The following UNC80 variants were observed in gnomAD, a reference collection of about 807,000 sequenced individuals.
UNC80 encodes the protein unc-80 subunit of NALCN channel complex.
UNC80 carries 164 observed loss-of-function variants against 384.6 expected under a neutral mutation model. The ratio of observed to expected loss-of-function variants is 0.43; its 90% confidence interval spans 0.38 to 0.49. The LOEUF (loss-of-function observed/expected upper bound fraction) is 0.49, where lower values mean the gene tolerates loss of function less well. Among genes scored for constraint, UNC80 ranks in the 20% least tolerant of loss-of-function variants. UNC80 has a pLI of 0.00. For missense variants in UNC80, 3,330 were observed against 4,143.0 expected, an observed-to-expected ratio of 0.80 and a Z score of 5.39; for synonymous variants, 1,486 against 1,527.8, an observed-to-expected ratio of 0.97 and a Z score of 0.64.
intron 38 of UNC80, among the ~76,000 whole-genome samples, chr2:209,931,458 AT>A (rs1379247574): frequency 6.6e-6 from 1 of 150,484 alleles, no homozygotes; most frequent in Non-Finnish European, 1.5e-5. Context: ...TTGTGTATAT[AT>A]TTTTGCATGG....
chr2:209,884,959 T>TTCAC (rs1279941833), intron 25 of UNC80, among the ~76,000 whole-genome samples: 1 of 151,970 alleles, frequency 6.6e-6, no homozygotes, highest in Non-Finnish European at 1.5e-5. Context: ...GGCTCAATAC[T>TTCAC]TCAGTGAGGG....
In UNC80 at chr2:209,916,140, A is replaced by G. The variant is rs113958378; in HGVS notation, c.5030-1637A>G. On this transcript the variant is annotated intron_variant, in intron 31 of 64. Coordinates refer to ENST00000673920, the MANE Select transcript of UNC80 (RefSeq NM_001371986.1). ...AGGAAGGCCAAAGTTAGAGGTAAAC[A>G]TGGGGAACAAGTTGGTATACATGGC... Among the ~76,000 whole-genome samples, 561 of 152,318 alleles carry G rather than the reference A, an allele frequency of 3.7e-3. 3 individuals are homozygous for G. Among genetic ancestry groups the G allele is most frequent in the African/African-American group, 0.013 (538 of 41,564 alleles).
chr2:209,989,696 G>A (rs745807951), intron 61 of UNC80, among the ~76,000 whole-genome samples: 6 of 152,288 alleles, frequency 3.9e-5, no homozygotes, highest in African/African-American at 9.6e-5. Context: ...GTTCATTCTA[G>A]TATTGCACAT....
chr2:209,868,015 C>A lies in UNC80; in HGVS notation c.3628-4743C>A, dbSNP rs576390585. On this transcript the variant is annotated intron_variant, in intron 22 of 64. Coordinates refer to ENST00000673920, the MANE Select transcript of UNC80 (RefSeq NM_001371986.1). The stretch of plus-strand genomic sequence containing the variant: ...GTGCTAAAATGACTAGCCTTCCAGA[C>A]CATGTGCTAACCTGTAATGTTGGTC... 8.5e-5 allele frequency among the ~76,000 whole-genome samples: 13 copies of A among 152,286 alleles called. No individual in the cohort carries two copies. The South Asian group carries it at 2.5e-3, about 29-fold the overall frequency.
intron 49 of UNC80, among the ~76,000 whole-genome samples, chr2:209,958,829 A>G (rs889950909): frequency 6.6e-6 from 1 of 152,092 alleles, no homozygotes; most frequent in African/African-American, 2.4e-5. Context: ...ATGTCCAAAA[A>G]TTTCTCTCAT....
At chr2:209,822,675 G>A (rs1426576642) in intron 13 of UNC80, among the ~76,000 whole-genome samples, 1 of 152,178 alleles carries the variant, frequency 6.6e-6, no homozygotes, top group East Asian at 1.9e-4. Context: ...TATAATTAGT[G>A]TTTTGTTTTC....
chr2:209,786,274 A>T, intron 5 of UNC80, 85 bp downstream of exon 5: 1 of 1,480,622 alleles, frequency 6.8e-7, no homozygotes, highest in Non-Finnish European at 9.0e-7. Flanking sequence ...TTTGCCCCTA[A>T]GAAGTCAAAA....
intron 39 of UNC80, among the ~76,000 whole-genome samples, chr2:209,934,800 A>C (rs529388665): frequency 9.2e-5 from 14 of 152,338 alleles, no homozygotes; most frequent in African/African-American, 2.9e-4. Context: ...GAGATATGTG[A>C]AATACTTGCT....
At position 209,943,419 on chromosome 2, in the gene UNC80, G is replaced by A; in HGVS notation, c.6955G>A (p.Ala2319Thr). 4 of 1,552,160 alleles carry A rather than the reference G, an allele frequency of 2.6e-6. No individual in the cohort carries two copies. The highest frequency in any genetic ancestry group is 3.5e-6 in the Non-Finnish European group (4 of 1,147,062). Residue 2319 changes from alanine (A) to threonine (T), a missense_variant, in exon 45 of 65, where the codon GCC becomes ACC. Around this residue, in one of 8 missense-constraint regions of UNC80, gnomAD observed 1,049 missense variants for 1,488.6 expected, o/e 0.70. Coordinates refer to ENST00000673920, the MANE Select transcript of UNC80 (RefSeq NM_001371986.1). ...DYESNPQLRQ[A>T]IEFACHQFYI... is the part of the protein sequence containing the mutation. ...TGAAAGCAATCCCCAGCTGCGTCAA[G>A]CCATCGAATTTGCCTGTCACCAGTT...
chr2:209,944,623 C>G (rs780674945), intron 45 of UNC80, among the ~76,000 whole-genome samples: 2 of 152,046 alleles, frequency 1.3e-5, no homozygotes, highest in Non-Finnish European at 2.9e-5. Context: ...TAAGTATCTC[C>G]ATGTGGAGAT....
rs929384002 is a variant in UNC80, at chr2:209,896,344, C to T, written c.4512C>T (p.Ser1504=). Residue 1504 remains serine, a synonymous_variant, in exon 28 of 65, where the codon AGC becomes AGT. Coordinates refer to ENST00000673920, the MANE Select transcript of UNC80 (RefSeq NM_001371986.1). ...GTCCTTGGAGTGCAAGCGAGCCCAG[C>T]ATTGAGCCAGAGGGAATGAGTAATG... ...EGSPWSASEP[S]IEPEGMSNAG... 5 of 1,551,562 alleles carry T rather than the reference C, an allele frequency of 3.2e-6. No individual in the cohort carries two copies. The East Asian group carries it at 1.2e-4, about 38-fold the overall frequency.
chr2:209,772,987 T>A (rs1574381931), intron 1 of UNC80, 107 bp from the exon 2 acceptor site: 2 of 907,110 alleles, frequency 2.2e-6, no homozygotes, highest in South Asian at 3.3e-5. Context: ...AGCATGAAAT[T>A]TGAATTTCAT....
intron 44 of UNC80, 22 bp downstream of exon 44, chr2:209,941,511 A>G: frequency 6.6e-7 from 1 of 1,515,512 alleles, no homozygotes; most frequent in Non-Finnish European, 8.9e-7. Context: ...CTCCTCTCCC[A>G]ACCAGAAAAT....
chr2:209,843,072 A>G (rs1337683534), intron 21 of UNC80, among the ~76,000 whole-genome samples: 1 of 152,214 alleles, frequency 6.6e-6, no homozygotes, highest in South Asian at 2.1e-4. Flanking sequence ...CACTGCTGCT[A>G]GTTAGAAACA....
chr2:209,791,584 G>C (rs1251576750), intron 6 of UNC80, among the ~76,000 whole-genome samples: 1 of 151,892 alleles, frequency 6.6e-6, no homozygotes, highest in African/African-American at 2.4e-5. Context: ...CTCAATTCAG[G>C]CTGAGGCGGG....
intron 7 of UNC80, among the ~76,000 whole-genome samples, chr2:209,799,615 A>G (rs543272646): frequency 2.6e-5 from 4 of 152,152 alleles, no homozygotes; most frequent in Non-Finnish European, 5.9e-5. Flanking sequence ...TGTGTTGAAT[A>G]GGAGTGGTAA....
intron 59 of UNC80, among the ~76,000 whole-genome samples, chr2:209,980,494 G>A (rs75210452): frequency 0.013 from 1,975 of 152,260 alleles, 16 homozygotes; most frequent in South Asian, 0.024. Context: ...CACAGACATC[G>A]TAACCATCCC....
intron 23 of UNC80, among the ~76,000 whole-genome samples, chr2:209,876,836 C>G (rs2084826318): frequency 6.6e-6 from 1 of 152,126 alleles, no homozygotes; most frequent in Non-Finnish European, 1.5e-5. Context: ...TTTTTAGCTC[C>G]TCACTTAATT....
intron 49 of UNC80, among the ~76,000 whole-genome samples, 153 bp downstream of exon 49, chr2:209,957,889 A>G (rs1025942163): frequency 3.9e-5 from 6 of 152,208 alleles, no homozygotes; most frequent in Non-Finnish European, 8.8e-5. Flanking sequence ...GAGTTACAAG[A>G]AAATACCAAG....
Sources: allele counts gnomAD v4.1 joint callset (sites outside exome capture counted in the v4.1 genomes callset), GRCh38; gene constraint gnomAD v4.1.1; regional missense constraint gnomAD v4.1.1; transcripts MANE v1.5; gene names NCBI Gene and HGNC (gene_info 2026-07-23, HGNC 2026-07-21).